Variants in NEFH observed in about 807,000 individuals in gnomAD.
NEFH encodes the protein neurofilament heavy chain.
NEFH carries 58 observed loss-of-function variants against 56.6 expected under a neutral mutation model. The ratio of observed to expected loss-of-function variants is 1.03; its 90% CI spans 0.83 to 1.28. The LOEUF (loss-of-function observed/expected upper bound fraction) is 1.28, where lower values mean the gene tolerates loss of function less well. Ranked by LOEUF, NEFH falls within the 50% of genes most tolerant of loss-of-function variation. The pLI, the probability that NEFH is intolerant of heterozygous loss-of-function variation, is 0.00. For synonymous variants in NEFH, 542 were observed against 545.8 expected (o/e 0.99, Z 0.10); for missense variants, 1,221 against 1,307.6 (o/e 0.93, Z 1.02).
intron 2 of NEFH, among the ~76,000 whole-genome samples, chr22:29,484,487 C>G (rs1410958119): frequency 6.6e-6 from 1 of 151,924 alleles, no homozygotes; most frequent in African/African-American, 2.4e-5. Context: ...TAAAAAGATA[C>G]AAAAATTAAC....
At chr22:29,482,368 A>G (rs982281471) in intron 1 of NEFH, among the ~76,000 whole-genome samples, 2 of 152,176 alleles carry the variant, frequency 1.3e-5, no homozygotes, top group African/African-American at 4.8e-5. Flanking sequence ...CTGGGGATTC[A>G]GGATGTTCAC....
chr22:29,482,765 G>A (rs553917365), intron 1 of NEFH, among the ~76,000 whole-genome samples: 30 of 152,330 alleles, frequency 2.0e-4, no homozygotes, highest in African/African-American at 7.2e-4. Context: ...GCTGGACCAG[G>A]CATTAGGACC....
At chr22:29,487,638 TAAC>T (rs916778818) in intron 3 of NEFH, among the ~76,000 whole-genome samples, 11 of 151,976 alleles carry the variant, frequency 7.2e-5, no homozygotes, top group South Asian at 2.1e-4. Context: ...GTCTCAAAAA[TAAC>T]AACAACACAA....
At position 29,490,786 on chromosome 22, in the gene NEFH, AC is replaced by A; in HGVS notation, c.*84del. ...CAAGGATCAGAGTAACACAATTTTCACTTTTTCTGTCTTTATGTAAGAAGAA... is the reference window on the plus strand; with the variant it reads ...CAAGGATCAGAGTAACACAATTTTCATTTTTCTGTCTTTATGTAAGAAGAA... On this transcript the variant is annotated 3_prime_UTR_variant, in exon 4 of 4. Coordinates refer to ENST00000310624, the MANE Select transcript of NEFH (RefSeq NM_021076.4). 1 of 1,584,358 alleles carries A rather than the reference AC, an allele frequency of 6.3e-7. No homozygotes were observed. The highest frequency in any genetic ancestry group is 8.6e-7 in the Non-Finnish European group (1 of 1,166,792).
Position 29,490,014 on chromosome 22 carries a change from G to A in NEFH, c.2374G>A (p.Glu792Lys). 1 of 1,613,946 alleles carries A rather than the reference G, an allele frequency of 6.2e-7. No homozygotes were observed. Residue 792 changes from glutamate (E) to lysine (K), a missense_variant, in exon 4 of 4, where the codon GAG becomes AAG. Coordinates refer to ENST00000310624, the MANE Select transcript of NEFH (RefSeq NM_021076.4). ...PEKAKSPVKEEVKSPEKAKSP... is the reference protein window; with the variant it reads ...PEKAKSPVKEKVKSPEKAKSP... ...AAAGGCCAAAAGCCCTGTCAAGGAGGAGGTCAAGTCCCCAGAGAAGGCGAA... is the reference window on the plus strand; with the variant it reads ...AAAGGCCAAAAGCCCTGTCAAGGAGAAGGTCAAGTCCCCAGAGAAGGCGAA...
intron 2 of NEFH, among the ~76,000 whole-genome samples, chr22:29,484,128 G>A (rs2063030013): frequency 1.3e-5 from 2 of 152,264 alleles, no homozygotes; most frequent in South Asian, 4.1e-4. Context: ...GGGATTACAG[G>A]TGTGAGGCAC....
At chr22:29,485,620 G>A (rs2063039629) in intron 2 of NEFH, 103 bp from the exon 3 acceptor site, 2 of 1,462,962 alleles carry the variant, frequency 1.4e-6, no homozygotes, top group South Asian at 1.2e-5. Flanking sequence ...AGTGAGCCTG[G>A]CTGGATGGGC....
chr22:29,489,082 A>C lies in NEFH; in HGVS notation c.1442A>C (p.Glu481Ala). 6.2e-7 allele frequency: 1 copy of C among 1,613,508 alleles called. No homozygotes were observed. Among genetic ancestry groups the C allele is most frequent in the African/African-American group, 1.3e-5 (1 of 75,054 alleles). Residue 481 changes from glutamate (E) to alanine (A), a missense_variant, in exon 4 of 4, where the codon GAG becomes GCG. Physicochemically the swap from Glu to Ala is moderately radical, Grantham distance 107. This residue lies in a region of NEFH where 243 missense variants were observed against 299.1 expected (regional missense o/e 0.81). Transcript: ENST00000310624. ...GAAGAGGAGAAAGAGGCCAAAGAGG[A>C]GGAGGGCAAGGAGGAAGAAGGGGGT... ...TEEEEKEAKE[E>A]EGKEEEGGEE...
chr22:29,480,609 G>A lies in NEFH; in HGVS notation c.347G>A (p.Arg116Gln). Reference sequence around the variant, plus strand: ...TTCGCCGGGTACATCGACAAGGTGCGGCAGCTGGAGGCGCACAACCGCAGC... The same window carrying A: ...TTCGCCGGGTACATCGACAAGGTGCAGCAGCTGGAGGCGCACAACCGCAGC... The part of the protein sequence containing the change: ...DRFAGYIDKV[R>Q]QLEAHNRSLE... The change falls in exon 1 of 4, where the codon CGG (arginine) becomes CAG (glutamine). Residue 116 changes from arginine to glutamine, a missense_variant. Coordinates refer to ENST00000310624, the MANE Select transcript of NEFH (RefSeq NM_021076.4). 2 of 1,563,450 alleles carry A rather than the reference G, an allele frequency of 1.3e-6. No individual in the cohort carries two copies. The highest frequency in any genetic ancestry group is 1.7e-6 in the Non-Finnish European group (2 of 1,164,052).
Position 29,489,293 on chromosome 22 carries a change from G to A in NEFH, c.1653G>A (p.Lys551=), listed in dbSNP as rs2063062507. Reference sequence around the variant, plus strand: ...AAGTCAAGTCCCCTGAGAAGGCCAAGTCTCCAGCAAAGGAAGAGGCAAAGT... The same window carrying A: ...AAGTCAAGTCCCCTGAGAAGGCCAAATCTCCAGCAAAGGAAGAGGCAAAGT... ...PAEVKSPEKA[K]SPAKEEAKSP... Residue 551 remains lysine, a synonymous_variant, in exon 4 of 4, where the codon AAG becomes AAA. Transcript: ENST00000310624. 5 of 1,612,432 alleles carry A rather than the reference G, an allele frequency of 3.1e-6. No individual in the cohort carries two copies. The highest frequency in any genetic ancestry group is 4.2e-6 in the Non-Finnish European group (5 of 1,179,922).
chr22:29,482,680 C>G (rs1385188553), intron 1 of NEFH, among the ~76,000 whole-genome samples: 2 of 152,242 alleles, frequency 1.3e-5, no homozygotes, highest in Non-Finnish European at 2.9e-5. Flanking sequence ...AACCTGCAGC[C>G]TCCAGCTCAG....
rs2146401508 is a variant in NEFH, at chr22:29,490,267, A to G, written c.2627A>G (p.Glu876Gly). ...KKEAPKPKVEEKKEPAVEKPK... is the reference protein window; with the variant it reads ...KKEAPKPKVEGKKEPAVEKPK... ...GAGGCTCCAAAGCCCAAGGTGGAGG[A>G]GAAGAAGGAACCTGCTGTCGAAAAG... is the stretch of plus-strand genomic sequence containing the variant. The change falls in exon 4 of 4, where the codon GAG (glutamate) becomes GGG (glycine). Residue 876 changes from glutamate to glycine, a missense_variant. By Grantham distance (98) the Glu-to-Gly change is moderately conservative. Around this residue, in one of 4 missense-constraint regions of NEFH, gnomAD observed 301 missense variants for 346.6 expected, o/e 0.87. Transcript: ENST00000310624. The G allele has an allele frequency of 6.2e-7, 1 of 1,612,442 alleles. No individual in the cohort carries two copies. Among genetic ancestry groups the G allele is most frequent in the Non-Finnish European group, 8.5e-7 (1 of 1,179,230 alleles).
In NEFH at chr22:29,489,149, T is replaced by G. The variant is rs747700265; in HGVS notation, c.1509T>G (p.Ser503=). Residue 503 remains serine, a synonymous_variant, in exon 4 of 4, where the codon TCT becomes TCG. Transcript: ENST00000310624. The part of the protein sequence containing the change: ...EAEGGEEETK[S]PPAEEAASPE... ...AAGGGGGAGAAGAAGAAACAAAGTCTCCCCCAGCAGAAGAGGCTGCATCCC... is the reference window on the plus strand; with the variant it reads ...AAGGGGGAGAAGAAGAAACAAAGTCGCCCCCAGCAGAAGAGGCTGCATCCC... The G allele has an allele frequency of 5.0e-6, 8 of 1,612,566 alleles. No homozygotes were observed. In the South Asian group the frequency reaches 8.8e-5, roughly 18 times the overall value.
chr22:29,485,601 G>T, intron 2 of NEFH, 122 bp from the exon 3 acceptor site: 1 of 1,237,050 alleles, frequency 8.1e-7, no homozygotes, highest in African/African-American at 1.5e-5. Flanking sequence ...CAGGGTTGGG[G>T]TTGGCCCCAG....
intron 2 of NEFH, among the ~76,000 whole-genome samples, chr22:29,484,144 C>T (rs1212903821): frequency 6.6e-6 from 1 of 152,112 alleles, no homozygotes; most frequent in Admixed American, 6.6e-5. Flanking sequence ...GGCACCGTGC[C>T]TGGCCTAAAG....
chr22:29,488,719 C>G, intron 3 of NEFH, 130 bp from the exon 4 acceptor site: 1 of 868,544 alleles, frequency 1.2e-6, no homozygotes, highest in South Asian at 1.4e-5. Context: ...ATAATGCCCA[C>G]CATTCACATT....
At chr22:29,485,699 ATGT>A in intron 2 of NEFH, 21 bp from the exon 3 acceptor site, 1 of 1,611,188 alleles carries the variant, frequency 6.2e-7, no homozygotes, top group Non-Finnish European at 8.5e-7. Context: ...CTGGCATGTG[ATGT>A]GTGTCACCTC....
chr22:29,483,507 A>C lies in NEFH; in HGVS notation c.1016A>C (p.Lys339Thr). 1 of 1,614,092 alleles carries C rather than the reference A, an allele frequency of 6.2e-7. No homozygotes were observed. Among genetic ancestry groups the C allele is most frequent in the South Asian group, 1.1e-5 (1 of 91,090 alleles). ...TTELEALKST[K>T]DSLERQRSEL... is the part of the protein sequence containing the mutation. ...GAGCTGGAGGCACTGAAAAGCACCA[A>C]GGACTCACTGGAGAGGCAGCGCTCT... Residue 339 changes from lysine to threonine, a missense_variant, in exon 2 of 4, where the codon AAG becomes ACG. Lys to Thr is a moderately conservative substitution (Grantham distance 78, BLOSUM62 -1). Coordinates refer to ENST00000310624, the MANE Select transcript of NEFH (RefSeq NM_021076.4).
chr22:29,480,291 TGCTGGGCGCCCCGTTCGCGCC>T lies in NEFH; in HGVS notation c.34_54del (p.Gly12_Leu18del). 1 of 1,508,620 alleles carries T rather than the reference TGCTGGGCGCCCCGTTCGCGCC, an allele frequency of 6.6e-7. No homozygotes were observed. Among genetic ancestry groups the T allele is most frequent in the Admixed American group, 2.2e-5 (1 of 46,448 alleles). 93.5% of individuals were successfully genotyped at this position (1,508,620 alleles called of 1,614,324 possible). On this transcript the variant is annotated inframe_deletion, in exon 1 of 4. Transcript: ENST00000310624. ...ATGAGCTTCGGCGGCGCGGACGCGC[TGCTGGGCGCCCCGTTCGCGCC>T]GCTGCATGGCGGCGGCAGCCTCCAC...
Sources: gnomAD v4.1 joint callset for allele counts (sites outside exome capture counted in the v4.1 genomes callset) on GRCh38, gnomAD v4.1.1 for gene constraint, gnomAD v4.1.1 regional missense constraint, MANE v1.5 for transcripts, NCBI Gene and HGNC (gene_info 2026-07-23, HGNC 2026-07-21) for gene names.